The following UTRN variants were observed in gnomAD, a reference collection of about 807,000 sequenced individuals.
The protein encoded by UTRN is utrophin.
UTRN carries 283 observed loss-of-function variants against 463.9 expected under a neutral mutation model. The observed-to-expected ratio is 0.61, with a 90% CI of 0.55 to 0.67. UTRN has a LOEUF of 0.67. Among genes scored for constraint, UTRN ranks in the 30% least tolerant of loss-of-function variants. The probability of loss-of-function intolerance (pLI) is 0.00; values close to 1 mark genes in which losing one functional copy is unlikely to be tolerated. For synonymous variants in UTRN, 1,442 were observed against 1,431.5 expected, an observed-to-expected ratio of 1.01 and a Z score of -0.17; for missense variants, 3,922 against 4,084.3, an observed-to-expected ratio of 0.96 and a Z score of 1.08.
chr6:144,387,498 G>A (rs79895540), intron 2 of UTRN, among the ~76,000 whole-genome samples: 1 of 152,144 alleles, frequency 6.6e-6, no homozygotes, highest in Non-Finnish European at 1.5e-5. Flanking sequence ...ATTGCAAAAG[G>A]TGTATTTTAA....
chr6:144,580,998 G>A (rs56797846), intron 51 of UTRN, among the ~76,000 whole-genome samples: 2,433 of 152,308 alleles, frequency 0.016, 71 homozygotes, highest in African/African-American at 0.055. Context: ...TTGCCAAGTG[G>A]TGTTAGAGCC....
At chr6:144,359,365 G>T (rs1778841547) in intron 2 of UTRN, among the ~76,000 whole-genome samples, 1 of 152,188 alleles carries the variant, frequency 6.6e-6, no homozygotes, top group Non-Finnish European at 1.5e-5. Context: ...GAACAGCCTG[G>T]CACTGATCTG....
chr6:144,496,407 G>A (rs768666975), intron 33 of UTRN, among the ~76,000 whole-genome samples: 21 of 152,090 alleles, frequency 1.4e-4, no homozygotes, highest in Non-Finnish European at 3.1e-4. Flanking sequence ...TACATGTCTG[G>A]AACACACACC....
chr6:144,834,071 G>A (rs903744729), intron 69 of UTRN, among the ~76,000 whole-genome samples: 1 of 152,140 alleles, frequency 6.6e-6, no homozygotes, highest in Non-Finnish European at 1.5e-5. Context: ...GTGATGCTGC[G>A]TTTTCTCAGG....
chr6:144,742,348 G>C (rs1472628532), intron 54 of UTRN, among the ~76,000 whole-genome samples: 3 of 152,136 alleles, frequency 2.0e-5, no homozygotes, highest in Non-Finnish European at 4.4e-5. Flanking sequence ...GTAGGAAATG[G>C]TCAGGGCCCT....
chr6:144,487,722 G>A (rs1792609904), intron 29 of UTRN, 25 bp downstream of exon 29: 1 of 1,572,036 alleles, frequency 6.4e-7, no homozygotes, highest in Non-Finnish European at 8.6e-7. Context: ...ATACATGGGT[G>A]TTGATTAGGT....
Position 144,286,979 on chromosome 6 carries a change from G to T in UTRN, c.-93+1158G>T, listed in dbSNP as rs540534883. ...GCAGCGGTCGCCGCGGCCAGAGCGC[G>T]CGGAGCTCGGGGGAGGCCGGATTCC... On this transcript the variant is annotated intron_variant, in intron 1 of 74. Transcript: ENST00000367545. This position sits in a 1 kb window ranked among gnomAD's most constrained non-coding sequence, Gnocchi z 4.4. Among the ~76,000 whole-genome samples, 68 of 152,286 alleles carry T rather than the reference G, an allele frequency of 4.5e-4. 1 individual carries two copies. In the Middle Eastern group the frequency reaches 0.017, roughly 38 times the overall value.
chr6:144,678,737 T>C (rs1348633614), intron 52 of UTRN, among the ~76,000 whole-genome samples, 159 bp downstream of exon 52: 1 of 152,172 alleles, frequency 6.6e-6, no homozygotes, highest in African/African-American at 2.4e-5. Flanking sequence ...TTGAGTTATA[T>C]AGTTCAAGCT....
chr6:144,612,453 C>T (rs775536918), intron 51 of UTRN, among the ~76,000 whole-genome samples: 12 of 151,994 alleles, frequency 7.9e-5, no homozygotes, highest in Admixed American at 2.0e-4. Flanking sequence ...ATTTGCAAAC[C>T]GTACATCTGA....
At chr6:144,713,385 C>T (rs1271381181) in intron 53 of UTRN, among the ~76,000 whole-genome samples, 1 of 151,340 alleles carries the variant, frequency 6.6e-6, no homozygotes, top group African/African-American at 2.4e-5. Flanking sequence ...GTGAGTGGAT[C>T]ACCTGAGGTC....
intron 25 of UTRN, among the ~76,000 whole-genome samples, chr6:144,478,701 C>T (rs915548274): frequency 1.4e-4 from 21 of 152,180 alleles, no homozygotes; most frequent in African/African-American, 3.6e-4. Flanking sequence ...TTACTATCCA[C>T]CTAGCAGCCA....
rs112438177 is a variant in UTRN, at chr6:144,462,962, T to G, written c.3066+96T>G. The G allele has an allele frequency of 7.5e-3, 7,548 of 1,008,616 alleles. 369 individuals are homozygous for G. In the African/African-American group the frequency reaches 0.11, roughly 15 times the overall value. The allele number at this position is 1,008,616 out of a possible 1,614,324, so 62.5% of individuals were successfully genotyped here. On this transcript the variant is annotated intron_variant, in intron 23 of 74. Coordinates refer to ENST00000367545, the MANE Select transcript of UTRN (RefSeq NM_007124.3). ...TATTTATTATTTAAATATTTTACAT[T>G]CTTTCTAGATCCCCATTTATTATGT...
intron 53 of UTRN, among the ~76,000 whole-genome samples, chr6:144,714,154 C>G (rs759406712): frequency 2.0e-5 from 3 of 152,004 alleles, no homozygotes; most frequent in Non-Finnish European, 4.4e-5. Context: ...TGTCTGCATA[C>G]CAACGGAAAG....
chr6:144,748,659 C>A, intron 55 of UTRN, 145 bp downstream of exon 55: 1 of 1,107,214 alleles, frequency 9.0e-7, no homozygotes, highest in Non-Finnish European at 1.2e-6. Context: ...GGAGTCAGGA[C>A]AGGTGCTTTC....
intron 53 of UTRN, among the ~76,000 whole-genome samples, chr6:144,707,856 C>A (rs9390200): frequency 0.48 from 73,650 of 151,964 alleles, 21,637 homozygotes; most frequent in East Asian, 0.78. Context: ...TGGTGTGTGT[C>A]CCCAGGTGAC....
intron 2 of UTRN, chr6:144,330,910 G>A (rs761923509): frequency 3.3e-5 from 33 of 985,378 alleles, no homozygotes; most frequent in Non-Finnish European, 3.7e-5. Flanking sequence ...CAGAAATCAT[G>A]CACTGTTGGT....
chr6:144,626,783 G>A lies in UTRN; in HGVS notation c.7479+49495G>A, dbSNP rs141110877. Among the ~76,000 whole-genome samples, 775 of 152,288 alleles carry A rather than the reference G, an allele frequency of 5.1e-3. 1 individual carries two copies. Among genetic ancestry groups the A allele is most frequent in the Non-Finnish European group, 8.9e-3 (606 of 68,024 alleles). On this transcript the variant is annotated intron_variant, in intron 51 of 74. Transcript: ENST00000367545. ...GCCTCCCGAGTAGCTGGGACTACAG[G>A]CAAGCGCCACCACGCCCACCTAATT...
Position 144,499,297 on chromosome 6 carries a change from T to C in UTRN, c.4634T>C (p.Leu1545Ser), listed in dbSNP as rs747920328. 1.5e-5 allele frequency: 25 copies of C among 1,613,430 alleles called. No homozygotes were observed. The highest frequency in any genetic ancestry group is 2.0e-5 in the Non-Finnish European group (24 of 1,179,616). Residue 1545 changes from leucine to serine, a missense_variant, in exon 34 of 75, where the codon TTG becomes TCG. Transcript: ENST00000367545. ...GKQDLERASQ[L>S]ARKMKKEAAS... Reference sequence around the variant, plus strand: ...CAGGATCTGGAAAGAGCATCACAGTTGGCCCGGAAAATGAAGAAAGAGGCT... The same window carrying C: ...CAGGATCTGGAAAGAGCATCACAGTCGGCCCGGAAAATGAAGAAAGAGGCT...
intron 2 of UTRN, among the ~76,000 whole-genome samples, chr6:144,332,915 T>TATTTA (rs1776441601): frequency 9.9e-6 from 1 of 100,966 alleles, no homozygotes; most frequent in South Asian, 3.4e-4. Flanking sequence ...TTTATTTATT[T>TATTTA]ATTTATTTAT....
Sources: allele counts gnomAD v4.1 joint callset (sites outside exome capture counted in the v4.1 genomes callset), GRCh38; gene constraint gnomAD v4.1.1; non-coding constraint Gnocchi (gnomAD v3.1); transcripts MANE v1.5; gene names NCBI Gene and HGNC (gene_info 2026-07-23, HGNC 2026-07-21).